PTPRD: variants seen among roughly 807,000 people sequenced by gnomAD.
PTPRD encodes the protein protein tyrosine phosphatase receptor type D, also known as receptor-type tyrosine-protein phosphatase delta.
Under a neutral mutation model 214.5 loss-of-function variants are expected in PTPRD, and 34 were observed. The ratio of observed to expected loss-of-function variants is 0.16; its 90% CI spans 0.12 to 0.21. The LOEUF is 0.21. Ranked by LOEUF, PTPRD falls within the 10% of genes least tolerant of loss-of-function variation. The pLI, the probability that PTPRD is intolerant of heterozygous loss-of-function variation, is 1.00. For synonymous variants in PTPRD, 1,128 were observed against 845.7 expected (o/e 1.33, Z -5.79); for missense variants, 2,545 against 2,398.7 (o/e 1.06, Z -1.27).
chr9:10,384,178 A>G (rs7854272), intron 2 of PTPRD, among the ~76,000 whole-genome samples: 83,433 of 151,540 alleles, frequency 0.55, 25,816 homozygotes, highest in Non-Finnish European at 0.72. Context: ...TAAGAGTATA[A>G]TTGGATTGTT....
At chr9:9,472,764 C>T (rs1250844721) in intron 8 of PTPRD, among the ~76,000 whole-genome samples, 8 of 152,160 alleles carry the variant, frequency 5.3e-5, no homozygotes, top group Non-Finnish European at 1.0e-4. Context: ...CCTTAATCGG[C>T]ATAAAATCCT....
chr9:8,904,571 C>T (rs2098694349), intron 11 of PTPRD, among the ~76,000 whole-genome samples: 1 of 151,084 alleles, frequency 6.6e-6, no homozygotes, highest in South Asian at 2.1e-4. Context: ...ACTCTGGAGG[C>T]TGAGGCATGG....
chr9:9,198,695 T>C (rs906770306), intron 9 of PTPRD, among the ~76,000 whole-genome samples: 5 of 152,184 alleles, frequency 3.3e-5, no homozygotes, highest in African/African-American at 1.2e-4. Flanking sequence ...TTCTCACATG[T>C]TCTAAAATAA....
chr9:9,727,007 T>C (rs148988897), intron 7 of PTPRD, among the ~76,000 whole-genome samples: 1 of 152,276 alleles, frequency 6.6e-6, no homozygotes, highest in Non-Finnish European at 1.5e-5. Context: ...TATAGGATAG[T>C]ATTTATATTT....
At chr9:10,330,188 G>A (rs2096723502) in intron 3 of PTPRD, among the ~76,000 whole-genome samples, 1 of 151,796 alleles carries the variant, frequency 6.6e-6, no homozygotes, top group Non-Finnish European at 1.5e-5. Context: ...CTATGAGATT[G>A]ACCTTACTCT....
intron 2 of PTPRD, among the ~76,000 whole-genome samples, chr9:10,568,745 T>TTGA (rs1244064924): frequency 6.6e-6 from 1 of 152,124 alleles, no homozygotes. Flanking sequence ...CTGGATCCCT[T>TTGA]CCTTACACTT....
intron 11 of PTPRD, among the ~76,000 whole-genome samples, chr9:8,782,710 G>A (rs1381848986): frequency 6.7e-6 from 1 of 149,916 alleles, no homozygotes; most frequent in Non-Finnish European, 1.5e-5. Flanking sequence ...CAATTCTCCT[G>A]CCTCAGCCTC....
chr9:9,868,621 G>C (rs534283592), intron 5 of PTPRD, among the ~76,000 whole-genome samples: 2 of 151,850 alleles, frequency 1.3e-5, no homozygotes, highest in Non-Finnish European at 2.9e-5. Context: ...ATCCCTGAGC[G>C]GGAGAATACC....
chr9:9,376,669 GA>G, intron 9 of PTPRD, among the ~76,000 whole-genome samples: 1 of 151,862 alleles, frequency 6.6e-6, no homozygotes, highest in Non-Finnish European at 1.5e-5. Context: ...GTCTTAAAAG[GA>G]AAAAAACATT....
chr9:9,477,115 A>G (rs1405877747), intron 8 of PTPRD, among the ~76,000 whole-genome samples: 1 of 152,336 alleles, frequency 6.6e-6, no homozygotes, highest in East Asian at 1.9e-4. Flanking sequence ...TGAGTGATTC[A>G]GCAAATGGTC....
At chr9:9,746,100 G>A (rs535990150) in intron 6 of PTPRD, among the ~76,000 whole-genome samples, 5 of 152,120 alleles carry the variant, frequency 3.3e-5, no homozygotes, top group Non-Finnish European at 5.9e-5. Flanking sequence ...GCTTAAAAAA[G>A]TTTACTTCAG....
In PTPRD at chr9:8,636,824, T is replaced by A. The variant is rs2154328384; in HGVS notation, c.85A>T (p.Thr29Ser). 1 of 1,613,916 alleles carries A rather than the reference T, an allele frequency of 6.2e-7. No homozygotes were observed. The highest frequency in any genetic ancestry group is 8.5e-7 in the Non-Finnish European group (1 of 1,179,844). The change falls in exon 13 of 46, where the codon ACA becomes TCA. Residue 29 changes from threonine to serine, a missense_variant. Thr to Ser is a moderately conservative substitution (Grantham distance 58). Transcript: ENST00000381196. ...GAGACCCCTGTCTGATCAACGGGTG[T>A]TCGTGTAAACCTTGGAGGTGCTGAA... ...DAETPPRFTRTPVDQTGVSGG... is the reference protein window; with the variant it reads ...DAETPPRFTRSPVDQTGVSGG...
At chr9:9,513,509 C>G (rs1039402151) in intron 8 of PTPRD, among the ~76,000 whole-genome samples, 1 of 151,314 alleles carries the variant, frequency 6.6e-6, no homozygotes, top group Non-Finnish European at 1.5e-5. Context: ...TTTGCTTTTT[C>G]TTAAAGATCC....
intron 7 of PTPRD, among the ~76,000 whole-genome samples, chr9:9,604,918 C>G (rs1190910810): frequency 2.0e-5 from 3 of 151,648 alleles, no homozygotes; most frequent in Admixed American, 2.0e-4. Flanking sequence ...TTCTTAAAAA[C>G]TTTACAATAT....
intron 7 of PTPRD, among the ~76,000 whole-genome samples, chr9:9,648,088 C>T (rs1030378822): frequency 6.6e-4 from 101 of 152,186 alleles, no homozygotes; most frequent in African/African-American, 2.4e-3. Context: ...GACTTCTCCC[C>T]TCATCACTAT....
chr9:10,294,707 G>A (rs1427147011), intron 3 of PTPRD, among the ~76,000 whole-genome samples: 1 of 151,872 alleles, frequency 6.6e-6, no homozygotes, highest in African/African-American at 2.4e-5. Context: ...ATTTCTAAGA[G>A]GTAAATTATG....
intron 5 of PTPRD, among the ~76,000 whole-genome samples, chr9:9,909,904 A>G (rs987851431): frequency 6.6e-6 from 1 of 151,936 alleles, no homozygotes. Context: ...TAGTAAAGTA[A>G]TACATATTCT....
rs181963106 is a variant in PTPRD, at chr9:9,608,994, G to A, written c.-286-34213C>T. Among the ~76,000 whole-genome samples the A allele has an allele frequency of 2.6e-5, 4 of 152,032 alleles. No homozygotes were observed. The East Asian group carries it at 5.8e-4, about 22-fold the overall frequency. On this transcript the variant is annotated intron_variant, in intron 7 of 45. Transcript: ENST00000381196. ...TCTACTTGCAAACTGCTAGAGTATT[G>A]TGATTATACCCAATTTCTCAAATTC...
chr9:9,268,602 G>C (rs888710975), intron 9 of PTPRD, among the ~76,000 whole-genome samples: 2 of 151,082 alleles, frequency 1.3e-5, no homozygotes, highest in African/African-American at 4.8e-5. Flanking sequence ...TCACATTCCT[G>C]ATTTCAAATT....
Sources: gnomAD v4.1 joint callset for allele counts (sites outside exome capture counted in the v4.1 genomes callset) on GRCh38, gnomAD v4.1.1 for gene constraint, MANE v1.5 for transcripts, NCBI Gene and HGNC (gene_info 2026-07-23, HGNC 2026-07-21) for gene names.